The following TASP1 variants were observed in gnomAD, a reference collection of about 807,000 sequenced individuals.
The protein encoded by TASP1 is threonine aspartase 1.
In TASP1, 16 loss-of-function variants were observed where a neutral mutation model predicts 56.6. That is an observed-to-expected ratio of 0.28 (90% confidence interval 0.19 to 0.43). The LOEUF is 0.43. Among genes scored for constraint, TASP1 ranks in the 20% least tolerant of loss-of-function variants. The pLI, the probability that TASP1 is intolerant of heterozygous loss-of-function variation, is 1.00. For synonymous variants in TASP1, 179 were observed against 184.2 expected (o/e 0.97, Z 0.23); for missense variants, 393 against 511.6 (o/e 0.77, Z 2.24).
chr20:13,211,275 A>G, the TASP1 span, among the ~76,000 whole-genome samples: 2 of 152,198 alleles, frequency 1.3e-5, no homozygotes, highest in African/African-American at 4.8e-5. Context: ...TTCAGTTTAC[A>G]GTAAACATTT....
the TASP1 span, among the ~76,000 whole-genome samples, chr20:13,111,625 T>C: frequency 1.3e-5 from 2 of 152,180 alleles, no homozygotes; most frequent in Non-Finnish European, 2.9e-5. Flanking sequence ...CAAGCATGGA[T>C]CTTTTTCCCT....
chr20:13,265,201 C>T, the TASP1 span, among the ~76,000 whole-genome samples: 3 of 152,198 alleles, frequency 2.0e-5, no homozygotes, highest in East Asian at 3.9e-4. Context: ...GATTGCAAAG[C>T]TCCTGAACCC....
At chr20:13,493,903 C>G (rs2043629675) in intron 10 of TASP1, among the ~76,000 whole-genome samples, 1 of 152,008 alleles carries the variant, frequency 6.6e-6, no homozygotes, top group Non-Finnish European at 1.5e-5. Flanking sequence ...TTATAACACT[C>G]TAATTAGAGC....
At chr20:13,320,922 A>G in the TASP1 span, among the ~76,000 whole-genome samples, 3 of 152,086 alleles carry the variant, frequency 2.0e-5, no homozygotes, top group African/African-American at 7.2e-5. Flanking sequence ...TTATTGGCAG[A>G]GCACAGTGGC....
At chr20:13,464,266 A>G (rs2044166129) in intron 11 of TASP1, among the ~76,000 whole-genome samples, 1 of 152,200 alleles carries the variant, frequency 6.6e-6, no homozygotes, top group Non-Finnish European at 1.5e-5. Flanking sequence ...TGTCATTACA[A>G]GAGGAAATTA....
At chr20:13,412,897 G>T (rs2042137324) in intron 13 of TASP1, among the ~76,000 whole-genome samples, 1 of 152,144 alleles carries the variant, frequency 6.6e-6, no homozygotes, top group Admixed American at 6.5e-5. Context: ...GACAGATAAG[G>T]TTTTGCTTCC....
chr20:13,560,167 T>C lies in TASP1; in HGVS notation c.569-1053A>G, dbSNP rs917285964. On this transcript the variant is annotated intron_variant, in intron 7 of 13. Transcript: ENST00000337743. ...CCAGCTGATAAGAGAAATTACAAAC[T>C]GGAACATAACACTGACAAAGTTATT... is the stretch of plus-strand genomic sequence containing the variant. 7.2e-4 allele frequency among the ~76,000 whole-genome samples: 109 copies of C among 152,140 alleles called. 2 individuals carry two copies.
chr20:13,358,768 C>T, the TASP1 span, among the ~76,000 whole-genome samples: 1 of 148,390 alleles, frequency 6.7e-6, no homozygotes, highest in African/African-American at 2.6e-5. Flanking sequence ...GGACGCCTCT[C>T]TGATCATTCA....
the TASP1 span, among the ~76,000 whole-genome samples, chr20:13,286,158 T>C: frequency 2.6e-4 from 39 of 152,228 alleles, no homozygotes; most frequent in Non-Finnish European, 5.0e-4. Context: ...TAACAAAATC[T>C]GGCCTCGGTG....
the TASP1 span, among the ~76,000 whole-genome samples, chr20:13,292,632 A>G: frequency 6.6e-6 from 1 of 152,098 alleles, no homozygotes; most frequent in Non-Finnish European, 1.5e-5. Context: ...GCAAGAGAAA[A>G]CAGTCCTAAG....
chr20:13,593,517 T>A (rs952586066), intron 4 of TASP1, among the ~76,000 whole-genome samples: 1 of 152,182 alleles, frequency 6.6e-6, no homozygotes, highest in African/African-American at 2.4e-5. Context: ...GCTTTTCCCA[T>A]GGTCTTAGCA....
rs987500792 is a variant in TASP1 at position 13,399,874 on chromosome 20, C to T, written c.1171-9422G>A. Among the ~76,000 whole-genome samples, 7 of 152,154 alleles carry T rather than the reference C, an allele frequency of 4.6e-5. No individual in the cohort carries two copies. The East Asian group carries it at 9.6e-4, about 21-fold the overall frequency. On this transcript the variant is annotated intron_variant, in intron 13 of 13. Transcript: ENST00000337743. ...ATTGCCTACTCTGACCCACTAAGAC[C>T]GGCCTTCTCACTGTCCCTCCAACAC... is the stretch of plus-strand genomic sequence containing the variant.
chr20:13,290,920 A>G, the TASP1 span, among the ~76,000 whole-genome samples: 8 of 152,216 alleles, frequency 5.3e-5, no homozygotes, highest in Admixed American at 1.3e-4. Context: ...CTGGAATTTG[A>G]ATCCGGACAG....
At chr20:13,580,300 G>A (rs1347835432) in intron 6 of TASP1, among the ~76,000 whole-genome samples, 1 of 151,870 alleles carries the variant, frequency 6.6e-6, no homozygotes, top group East Asian at 1.9e-4. Context: ...TAAAAATAAT[G>A]TCCAGGAACG....
chr20:13,308,775 G>C, the TASP1 span, among the ~76,000 whole-genome samples: 1 of 152,170 alleles, frequency 6.6e-6, no homozygotes, highest in African/African-American at 2.4e-5. Context: ...AACCCCCAAA[G>C]TTATGATATT....
At chr20:13,193,229 C>T in the TASP1 span, among the ~76,000 whole-genome samples, 1 of 152,092 alleles carries the variant, frequency 6.6e-6, no homozygotes, top group Admixed American at 6.6e-5. Context: ...CAATTACAAA[C>T]ATGACAGCTG....
chr20:13,548,114 G>C (rs564455350), intron 8 of TASP1, among the ~76,000 whole-genome samples: 1 of 152,182 alleles, frequency 6.6e-6, no homozygotes, highest in Non-Finnish European at 1.5e-5. Flanking sequence ...TGGAAAGACA[G>C]ACAGCCATGT....
the TASP1 span, among the ~76,000 whole-genome samples, chr20:13,341,376 G>A: frequency 6.6e-6 from 1 of 152,282 alleles, no homozygotes; most frequent in Non-Finnish European, 1.5e-5. Flanking sequence ...ATGGCCTTTA[G>A]AATCACACAG....
the TASP1 span, among the ~76,000 whole-genome samples, chr20:13,379,692 C>T: frequency 6.6e-6 from 1 of 152,058 alleles, no homozygotes; most frequent in East Asian, 1.9e-4. Flanking sequence ...TTCCATTCTC[C>T]CTGTCACTTC....
Sources: gnomAD v4.1 joint callset for allele counts (sites outside exome capture counted in the v4.1 genomes callset) on GRCh38, gnomAD v4.1.1 for gene constraint, MANE v1.5 for transcripts, NCBI Gene and HGNC (gene_info 2026-07-23, HGNC 2026-07-21) for gene names.